Variants in STEAP1B observed in about 807,000 individuals in gnomAD.
STEAP1B encodes STEAP family protein MGC87042.
STEAP1B carries 13 observed loss-of-function variants against 27.9 expected under a neutral mutation model. That is an observed-to-expected ratio of 0.47 (90% CI 0.30 to 0.74). The LOEUF is 0.74. STEAP1B is among the 30% of genes least tolerant of loss of function. STEAP1B has a pLI of 0.06. For synonymous variants in STEAP1B, 86 were observed against 107.1 expected (o/e 0.80, Z 1.22); for missense variants, 250 against 298.7 (o/e 0.84, Z 1.20).
chr7:22,441,307 A>G (rs905006834), intron 4 of STEAP1B, among the ~76,000 whole-genome samples: 2 of 152,186 alleles, frequency 1.3e-5, no homozygotes, highest in South Asian at 2.1e-4. Context: ...TTCCCACCCT[A>G]TTGGACTTCC....
At chr7:22,499,805 A>T (rs10228440) in intron 1 of STEAP1B, among the ~76,000 whole-genome samples, 15,263 of 152,196 alleles carry the variant, frequency 0.1, 897 homozygotes, top group African/African-American at 0.15. Context: ...TCAAAATCCA[A>T]CCTGAGCACA....
chr7:22,491,291 T>G (rs1355434697), intron 4 of STEAP1B, among the ~76,000 whole-genome samples: 1 of 152,228 alleles, frequency 6.6e-6, no homozygotes, highest in Admixed American at 6.5e-5. Flanking sequence ...AAATGTTTAT[T>G]AAATGCAAGC....
chr7:22,428,215 G>C (rs148216134), intron 4 of STEAP1B, among the ~76,000 whole-genome samples: 1 of 152,212 alleles, frequency 6.6e-6, no homozygotes, highest in Non-Finnish European at 1.5e-5. Context: ...GGGTGCTTCT[G>C]TCCTGGGGGT....
chr7:22,431,061 G>A (rs1022631234), intron 4 of STEAP1B, among the ~76,000 whole-genome samples: 3 of 152,316 alleles, frequency 2.0e-5, no homozygotes, highest in Non-Finnish European at 2.9e-5. Flanking sequence ...CTGGTTCCAG[G>A]CTCAATCCTA....
chr7:22,488,081 T>C (rs1283448129), intron 4 of STEAP1B, among the ~76,000 whole-genome samples: 1 of 152,102 alleles, frequency 6.6e-6, no homozygotes, highest in Non-Finnish European at 1.5e-5. Flanking sequence ...TGGCTGCACA[T>C]ACCTCCAACC....
chr7:22,479,496 C>T (rs1400627187), intron 4 of STEAP1B, among the ~76,000 whole-genome samples: 1 of 152,072 alleles, frequency 6.6e-6, no homozygotes, highest in East Asian at 1.9e-4. Flanking sequence ...GAGTAACCTC[C>T]CATGGAGCAG....
chr7:22,438,405 T>C, intron 4 of STEAP1B: 11 of 1,426,630 alleles, frequency 7.7e-6, no homozygotes, highest in Non-Finnish European at 1.0e-5. Context: ...ATGTCCACTT[T>C]GTACTTCCAG....
chr7:22,443,104 T>C (rs1785359122), intron 4 of STEAP1B, among the ~76,000 whole-genome samples: 1 of 152,208 alleles, frequency 6.6e-6, no homozygotes, highest in Non-Finnish European at 1.5e-5. Context: ...CATAGTGATC[T>C]TCCTTTCCTA....
rs1786409196 is a variant in STEAP1B, at chr7:22,494,782, T to G, written c.74A>C (p.Asn25Thr). The change falls in exon 2 of 5, where the codon AAC becomes ACC. Residue 25 changes from asparagine (N) to threonine (T), a missense_variant. Asn to Thr is a moderately conservative substitution (Grantham distance 65). Coordinates refer to ENST00000678116, the MANE Select transcript of STEAP1B (RefSeq NM_001382447.1). Reference sequence around the variant, plus strand: ...TTATTAATATTTTACCAAATAATCGTTGTCTTCTAAATTTCTCCTAGGCTT... The same window carrying G: ...TTATTAATATTTTACCAAATAATCGGTGTCTTCTAAATTTCTCCTAGGCTT... ...KMKPRRNLEDNDYLHEDTGET... is the reference protein window; with the variant it reads ...KMKPRRNLEDTDYLHEDTGET... The G allele has an allele frequency of 6.5e-7, 1 of 1,542,328 alleles. No individual in the cohort carries two copies.
Position 22,465,143 on chromosome 7 carries a change from G to T in STEAP1B, c.762+27422C>A, listed in dbSNP as rs369419790. On this transcript the variant is annotated intron_variant, in intron 4 of 4. Coordinates refer to ENST00000678116, the MANE Select transcript of STEAP1B (RefSeq NM_001382447.1). ...CCAGACGGCTACGAGGCCACTAATG[G>T]GTGGGTAGCATTGACAATATGGAAA... Among the ~76,000 whole-genome samples the T allele has an allele frequency of 4.0e-5, 6 of 151,564 alleles. No individual in the cohort carries two copies. The South Asian group carries it at 6.3e-4, about 16-fold the overall frequency.
At chr7:22,422,384 C>T (rs2686524) in intron 4 of STEAP1B, among the ~76,000 whole-genome samples, 109,019 of 152,148 alleles carry the variant, frequency 0.72, 39,447 homozygotes, top group Middle Eastern at 0.78. Flanking sequence ...TAACATGCTA[C>T]GAGCTCTGCA....
rs116553072 is a variant in STEAP1B, at chr7:22,435,627, T to C, written c.763-15791A>G. On this transcript the variant is annotated intron_variant, in intron 4 of 4. Transcript: ENST00000678116. ...CTTAAAATTTGCTTGAGAGACCAAA[T>C]GCATACACATAAAATCGTGAGAAAC... is the stretch of plus-strand genomic sequence containing the variant. Among the ~76,000 whole-genome samples the C allele has an allele frequency of 7.4e-3, 1,130 of 152,258 alleles. 14 individuals are homozygous for C. Among genetic ancestry groups the C allele is most frequent in the African/African-American group, 0.026 (1,065 of 41,550 alleles).
At chr7:22,467,728 C>T (rs1026050103) in intron 4 of STEAP1B, among the ~76,000 whole-genome samples, 10 of 152,168 alleles carry the variant, frequency 6.6e-5, no homozygotes, top group East Asian at 1.9e-4. Context: ...GATTGTGAGG[C>T]CTCCCCAGCC....
intron 4 of STEAP1B, among the ~76,000 whole-genome samples, chr7:22,485,008 A>G (rs1205800360): frequency 6.6e-6 from 1 of 152,266 alleles, no homozygotes; most frequent in Non-Finnish European, 1.5e-5. Context: ...TGCTTTTCAT[A>G]GATGATCAAA....
At chr7:22,432,408 TAAA>T (rs1785199612) in intron 4 of STEAP1B, among the ~76,000 whole-genome samples, 2 of 150,832 alleles carry the variant, frequency 1.3e-5, no homozygotes, top group Admixed American at 1.3e-4. Flanking sequence ...AATAAATAAA[TAAA>T]TAAATAAATA....
At position 22,419,729 on chromosome 7, in the gene STEAP1B, T is replaced by C. The variant is rs1583624115; in HGVS notation, c.*75A>G. ...GGCAGAGGGAAAGGGCACTGGGTGG[T>C]GTTCTGCATGAGCAATCCAATGCTG... is the stretch of plus-strand genomic sequence containing the variant. On this transcript the variant is annotated 3_prime_UTR_variant, in exon 5 of 5. Coordinates refer to ENST00000678116, the MANE Select transcript of STEAP1B (RefSeq NM_001382447.1). The C allele has an allele frequency of 2.7e-6, 4 of 1,491,238 alleles. No individual in the cohort carries two copies. The East Asian group carries it at 1.0e-4, about 38-fold the overall frequency. The allele number at this position is 1,491,238 out of a possible 1,614,324, so 92.4% of individuals were successfully genotyped here.
At chr7:22,491,983 T>C (rs539635818) in intron 4 of STEAP1B, among the ~76,000 whole-genome samples, 2 of 152,108 alleles carry the variant, frequency 1.3e-5, no homozygotes, top group Non-Finnish European at 2.9e-5. Context: ...ATCCCCTCTT[T>C]TCTGATTCAG....
chr7:22,457,189 A>T (rs1424459972), intron 4 of STEAP1B, among the ~76,000 whole-genome samples: 1 of 151,600 alleles, frequency 6.6e-6, no homozygotes, highest in African/African-American at 2.4e-5. Context: ...ATCTCAGGGT[A>T]GATTTAGGCT....
chr7:22,489,326 A>G (rs1031491959), intron 4 of STEAP1B, among the ~76,000 whole-genome samples: 1 of 152,224 alleles, frequency 6.6e-6, no homozygotes, highest in Admixed American at 6.5e-5. Flanking sequence ...AAACAGTACT[A>G]TATTAAATGG....
Sources: gnomAD v4.1 joint callset for allele counts (sites outside exome capture counted in the v4.1 genomes callset) on GRCh38, gnomAD v4.1.1 for gene constraint, MANE v1.5 for transcripts, NCBI Gene and HGNC (gene_info 2026-07-23, HGNC 2026-07-21) for gene names.